Variants in CSMD3 observed in about 807,000 individuals in gnomAD.
CSMD3 encodes CUB and sushi domain-containing protein 3.
CSMD3 carries 177 observed loss-of-function variants against 435.2 expected under a neutral mutation model. The ratio of observed to expected loss-of-function variants is 0.41; its 90% CI spans 0.36 to 0.46. The LOEUF is 0.46. Among genes scored for constraint, CSMD3 ranks in the 20% least tolerant of loss-of-function variants. CSMD3 has a pLI of 0.34. For missense variants in CSMD3, 4,265 were observed against 4,504.6 expected (o/e 0.95, Z 1.52); for synonymous variants, 1,656 against 1,520.5 (o/e 1.09, Z -2.07).
chr8:112,511,384 C>CTTTTTTTTTTT (rs34548150), intron 28 of CSMD3, among the ~76,000 whole-genome samples: 50 of 72,402 alleles, frequency 6.9e-4, no homozygotes, highest in Non-Finnish European at 1.0e-3. Context: ...ATTTTCTTTT[C>CTTTTTTTTTTT]TTTTTTTTTT....
rs77615801 is a variant in CSMD3 at position 112,440,971 on chromosome 8, G to C, written c.5395+31620C>G. On this transcript the variant is annotated intron_variant, in intron 32 of 70. Coordinates refer to ENST00000297405, the MANE Select transcript of CSMD3 (RefSeq NM_198123.2). ...TGGTGATATTTTCCCCATTGCCTTGGTGATTAACCTTCACCTCTTTGTAAC... is the reference window on the plus strand; with the variant it reads ...TGGTGATATTTTCCCCATTGCCTTGCTGATTAACCTTCACCTCTTTGTAAC... Among the ~76,000 whole-genome samples, 470 of 152,274 alleles carry C rather than the reference G, an allele frequency of 3.1e-3. 2 individuals are homozygous for C. The highest frequency in any genetic ancestry group is 0.011 in the African/African-American group (458 of 41,564).
intron 10 of CSMD3, among the ~76,000 whole-genome samples, chr8:112,920,243 G>C (rs2082694987): frequency 6.6e-6 from 1 of 151,828 alleles, no homozygotes; most frequent in Non-Finnish European, 1.5e-5. Context: ...TAGTTTTCAT[G>C]ATTAACAGTT....
chr8:113,232,694 C>G (rs1334464157), intron 3 of CSMD3, among the ~76,000 whole-genome samples: 1 of 151,700 alleles, frequency 6.6e-6, no homozygotes, highest in African/African-American at 2.4e-5. Flanking sequence ...TGTAGAATAA[C>G]TTTTAAGGTA....
chr8:113,077,472 C>A (rs746035192), intron 5 of CSMD3, among the ~76,000 whole-genome samples: 1 of 152,014 alleles, frequency 6.6e-6, no homozygotes, highest in Admixed American at 6.6e-5. Context: ...GAGGCCGAAA[C>A]GGGTGGATCA....
intron 41 of CSMD3, among the ~76,000 whole-genome samples, chr8:112,344,599 G>T (rs1405926770): frequency 6.6e-6 from 1 of 152,114 alleles, no homozygotes; most frequent in African/African-American, 2.4e-5. Flanking sequence ...TACCTGGTTT[G>T]TGCTTCAATG....
At chr8:113,071,567 A>G (rs2089122778) in intron 5 of CSMD3, among the ~76,000 whole-genome samples, 1 of 151,824 alleles carries the variant, frequency 6.6e-6, no homozygotes, top group African/African-American at 2.4e-5. Context: ...TGTTGAAGAG[A>G]TATTTCTTTC....
At chr8:112,629,716 T>C (rs2074460917) in intron 22 of CSMD3, among the ~76,000 whole-genome samples, 1 of 152,186 alleles carries the variant, frequency 6.6e-6, no homozygotes. Flanking sequence ...ACGCAGGGAA[T>C]AGACAGATGA....
At chr8:112,454,018 A>C (rs1170707449) in intron 32 of CSMD3, among the ~76,000 whole-genome samples, 1 of 152,176 alleles carries the variant, frequency 6.6e-6, no homozygotes, top group Admixed American at 6.6e-5. Context: ...CTAATCAATA[A>C]TTGGTGCTGG....
chr8:113,262,318 T>C (rs1047784187), intron 3 of CSMD3, among the ~76,000 whole-genome samples: 2 of 152,104 alleles, frequency 1.3e-5, no homozygotes, highest in African/African-American at 2.4e-5. Context: ...ATTATGTTGA[T>C]TAATTATAAA....
chr8:112,472,619 A>T lies in CSMD3; in HGVS notation c.5367T>A (p.Val1789=). The change falls in exon 32 of 71, where the codon GTT becomes GTA. Residue 1789 remains valine (V), a synonymous_variant. Transcript: ENST00000297405. ...ACTCCTTTGGAACTGCTATAGAATAAACACAATTATGTCCCACACTGTAAT... is the reference window on the plus strand; with the variant it reads ...ACTCCTTTGGAACTGCTATAGAATATACACAATTATGTCCCACACTGTAAT... ...PKNYSVGHNC[V]YSIAVPKEFV... is the part of the protein sequence containing the mutation. 2 of 1,601,220 alleles carry T rather than the reference A, an allele frequency of 1.2e-6. No individual in the cohort carries two copies. Among genetic ancestry groups the T allele is most frequent in the Non-Finnish European group, 1.7e-6 (2 of 1,168,450 alleles).
intron 31 of CSMD3, among the ~76,000 whole-genome samples, chr8:112,479,298 A>G (rs1819394096): frequency 6.6e-6 from 1 of 152,206 alleles, no homozygotes; most frequent in East Asian, 1.9e-4. Flanking sequence ...AGGGAAGTAG[A>G]GTGTAAACGT....
chr8:112,476,908 C>T (rs1465753328), intron 31 of CSMD3, among the ~76,000 whole-genome samples: 1 of 152,196 alleles, frequency 6.6e-6, no homozygotes, highest in Non-Finnish European at 1.5e-5. Context: ...CAGCTCCACT[C>T]ATCACCACAA....
chr8:113,128,362 C>T (rs2091195285), intron 4 of CSMD3, among the ~76,000 whole-genome samples: 1 of 151,802 alleles, frequency 6.6e-6, no homozygotes, highest in African/African-American at 2.4e-5. Flanking sequence ...TATTAAAAAT[C>T]CATAAAATTT....
At chr8:112,351,947 C>T (rs748067673) in intron 39 of CSMD3, among the ~76,000 whole-genome samples, 1 of 151,836 alleles carries the variant, frequency 6.6e-6, no homozygotes, top group Admixed American at 6.6e-5. Context: ...ATATACATTG[C>T]AAATCCAGTT....
intron 12 of CSMD3, among the ~76,000 whole-genome samples, chr8:112,809,814 C>G (rs2079177479): frequency 6.6e-6 from 1 of 152,108 alleles, no homozygotes; most frequent in Non-Finnish European, 1.5e-5. Flanking sequence ...AATTATAAAT[C>G]CATTCTCTAC....
chr8:113,176,616 T>C (rs2092350209), intron 3 of CSMD3, among the ~76,000 whole-genome samples: 4 of 152,114 alleles, frequency 2.6e-5, no homozygotes, highest in African/African-American at 9.7e-5. Flanking sequence ...GACTAGATTT[T>C]AGATAATGTT....
chr8:112,612,900 TA>T (rs763145963), intron 22 of CSMD3, among the ~76,000 whole-genome samples: 111 of 94,620 alleles, frequency 1.2e-3, no homozygotes, highest in Middle Eastern at 4.5e-3. Context: ...TAATTATTAT[TA>T]TTATTTTTTT....
rs2130275429 is a variant in CSMD3 at position 112,255,293 on chromosome 8, C to A, written c.9997G>T (p.Ala3333Ser). 6.2e-7 allele frequency: 1 copy of A among 1,613,596 alleles called. No homozygotes were observed. The highest frequency in any genetic ancestry group is 1.7e-4 in the Middle Eastern group (1 of 6,060). Reference sequence around the variant, plus strand: ...GATGAACCACTCCAAGTGCCATCTGCTTGACATATTCTGGTGCTTGATCCC... The same window carrying A: ...GATGAACCACTCCAAGTGCCATCTGATTGACATATTCTGGTGCTTGATCCC... ...LVGSSTRICQ[A>S]DGTWSGSSPH... Residue 3333 changes from alanine to serine, a missense_variant, in exon 62 of 71, where the codon GCA (alanine) becomes TCA (serine). Around this residue, in one of 3 missense-constraint regions of CSMD3, gnomAD observed 3,255 missense variants for 3,380.2 expected, o/e 0.96. Transcript: ENST00000297405.
chr8:112,637,085 T>A, intron 21 of CSMD3, 80 bp from the exon 22 acceptor site: 1 of 1,148,512 alleles, frequency 8.7e-7, no homozygotes. Context: ...AAAGGTATAT[T>A]CCTATTGTTT....
Sources: gnomAD v4.1 joint callset for allele counts (sites outside exome capture counted in the v4.1 genomes callset) on GRCh38, gnomAD v4.1.1 for gene constraint, gnomAD v4.1.1 regional missense constraint, MANE v1.5 for transcripts, NCBI Gene and HGNC (gene_info 2026-07-23, HGNC 2026-07-21) for gene names.